Variants in STYX observed in about 807,000 individuals in gnomAD.
The protein encoded by STYX is serine/threonine/tyrosine interacting protein.
A neutral mutation model predicts 42.7 loss-of-function variants in STYX; 20 were observed. The ratio of observed to expected loss-of-function variants is 0.47; its 90% confidence interval spans 0.33 to 0.68. STYX has a LOEUF of 0.68. STYX is among the 30% of genes least tolerant of loss of function. The probability of loss-of-function intolerance (pLI) is 0.02; values close to 1 mark genes in which losing one functional copy is unlikely to be tolerated. For synonymous variants in STYX, 78 were observed against 81.9 expected, an observed-to-expected ratio of 0.95 and a Z score of 0.26; for missense variants, 226 against 268.5, an observed-to-expected ratio of 0.84 and a Z score of 1.11.
In STYX at chr14:52,757,931, A is replaced by C; in HGVS notation, c.431+7A>C. 6.2e-7 allele frequency: 1 copy of C among 1,610,820 alleles called. No homozygotes were observed. Among genetic ancestry groups the C allele is most frequent in the Non-Finnish European group, 8.5e-7 (1 of 1,179,616 alleles). On this transcript the variant is annotated splice_region_variant and intron_variant, in intron 8 of 10. Coordinates refer to ENST00000354586, the MANE Select transcript of STYX (RefSeq NM_145251.4). ...CATTTGGAATGAAGTACAGGTAAGA[A>C]AATACCCTAAAACCTAGCCACAGTT...
At chr14:52,732,994 T>C (rs540461089) in intron 1 of STYX, among the ~76,000 whole-genome samples, 163 of 152,236 alleles carry the variant, frequency 1.1e-3, no homozygotes, top group Non-Finnish European at 5.0e-4. Context: ...CTCAAAATGA[T>C]TCAGTAATTT....
chr14:52,744,672 TTG>T (rs1178055739), intron 1 of STYX, among the ~76,000 whole-genome samples, 178 bp from the exon 2 acceptor site: 1 of 152,220 alleles, frequency 6.6e-6, no homozygotes, highest in Non-Finnish European at 1.5e-5. Flanking sequence ...GCTTTAAGCT[TTG>T]TTTCTTGTCA....
rs1311241354 is a variant in STYX at position 52,772,341 on chromosome 14, T to C, written c.*1235T>C. 1 of 152,332 alleles carries C rather than the reference T, an allele frequency of 6.6e-6. No homozygotes were observed. The highest frequency in any genetic ancestry group is 1.5e-5 in the Non-Finnish European group (1 of 68,000). 9.4% of individuals were successfully genotyped at this position (152,332 alleles called of 1,614,324 possible). On this transcript the variant is annotated 3_prime_UTR_variant, in exon 11 of 11. Transcript: ENST00000354586. ...GACTAGTGTATTTTAAATTAGCATT[T>C]TAATCCATTCTTGACATTCAGTTAG...
intron 1 of STYX, among the ~76,000 whole-genome samples, chr14:52,741,439 C>CGT (rs994728323): frequency 4.6e-5 from 7 of 151,616 alleles, no homozygotes; most frequent in Admixed American, 6.6e-5. Flanking sequence ...TTTTGAGTTT[C>CGT]GTGTGTGTGT....
intron 10 of STYX, among the ~76,000 whole-genome samples, 173 bp from the exon 11 acceptor site, chr14:52,770,860 A>C (rs1882483464): frequency 6.6e-6 from 1 of 152,134 alleles, no homozygotes; most frequent in South Asian, 2.1e-4. Context: ...GAAGATTAAA[A>C]AGTTATAATA....
chr14:52,769,706 C>T (rs1283701385), intron 10 of STYX, among the ~76,000 whole-genome samples: 9 of 151,970 alleles, frequency 5.9e-5, no homozygotes, highest in Non-Finnish European at 1.3e-4. Context: ...CTATAGGGTC[C>T]GTTTTGTCAG....
chr14:52,742,275 C>T (rs575760829), intron 1 of STYX, among the ~76,000 whole-genome samples: 5 of 152,186 alleles, frequency 3.3e-5, no homozygotes, highest in Non-Finnish European at 7.3e-5. Flanking sequence ...CCTAGTTTAT[C>T]TTTCACTGAG....
chr14:52,732,731 C>T (rs1228249883), intron 1 of STYX, among the ~76,000 whole-genome samples: 2 of 151,700 alleles, frequency 1.3e-5, no homozygotes, highest in African/African-American at 2.4e-5. Context: ...AATGCAGTGG[C>T]GTGATCTCCG....
At chr14:52,730,651 T>C (rs1002109329) in intron 1 of STYX, 120 bp downstream of exon 1, 69 of 1,078,238 alleles carry the variant, frequency 6.4e-5, no homozygotes, top group Admixed American at 1.0e-4. Flanking sequence ...CCTAAGGGCG[T>C]CCCGGGACCT....
At chr14:52,754,844 T>C (rs1260727034) in intron 4 of STYX, among the ~76,000 whole-genome samples, 1 of 152,238 alleles carries the variant, frequency 6.6e-6, no homozygotes, top group African/African-American at 2.4e-5. Flanking sequence ...GCAGGTTCTT[T>C]ATCCTAATGG....
chr14:52,761,202 C>G (rs1486032632), intron 9 of STYX, among the ~76,000 whole-genome samples: 3 of 151,850 alleles, frequency 2.0e-5, no homozygotes. Flanking sequence ...GTGATGCATG[C>G]CTGTAATCCC....
At chr14:52,755,121 G>GTTTTTTTTTTTT (rs537098365) in intron 4 of STYX, among the ~76,000 whole-genome samples, 9 of 139,306 alleles carry the variant, frequency 6.5e-5, no homozygotes, top group East Asian at 2.1e-4. Context: ...TTGTTTTTTT[G>GTTTTTTTTTTTT]TTTTTTTTTT....
rs371827484 is a variant in STYX, at chr14:52,771,168, A to G, written c.*62A>G. 19 of 1,448,490 alleles carry G rather than the reference A, an allele frequency of 1.3e-5. No homozygotes were observed. In the Middle Eastern group the frequency reaches 5.3e-4, roughly 40 times the overall value. 89.7% of individuals were successfully genotyped at this position (1,448,490 alleles called of 1,614,324 possible). A position where few individuals can be genotyped will look rare whatever the true frequency, so the allele number is the denominator to read the frequency against. ...TGGGAAGGAGAAAATACAAGAGAAA[A>G]TTATAATGTAAAATGGTAAAAACAT... On this transcript the variant is annotated 3_prime_UTR_variant, in exon 11 of 11. Coordinates refer to ENST00000354586, the MANE Select transcript of STYX (RefSeq NM_145251.4).
chr14:52,742,914 G>A (rs1344933028), intron 1 of STYX, among the ~76,000 whole-genome samples: 1 of 151,194 alleles, frequency 6.6e-6, no homozygotes, highest in East Asian at 2.0e-4. Flanking sequence ...TCCTGCCTCA[G>A]CCTCCCAAGT....
intron 9 of STYX, among the ~76,000 whole-genome samples, chr14:52,763,908 A>T (rs1216472130): frequency 6.6e-6 from 1 of 152,106 alleles, no homozygotes; most frequent in African/African-American, 2.4e-5. Context: ...TTGGTTCTGC[A>T]AGTTTTTTTC....
At chr14:52,741,811 A>C (rs1004057850) in intron 1 of STYX, among the ~76,000 whole-genome samples, 4 of 152,042 alleles carry the variant, frequency 2.6e-5, no homozygotes, top group Admixed American at 1.3e-4. Context: ...TCAATTTCTT[A>C]GTCTGGTCAT....
chr14:52,767,486 T>G (rs142473092), intron 9 of STYX, among the ~76,000 whole-genome samples: 6 of 152,316 alleles, frequency 3.9e-5, no homozygotes, highest in African/African-American at 9.6e-5. Context: ...GTTTTTGTTT[T>G]GTTTTGTTTT....
chr14:52,762,685 A>C (rs768078806), intron 9 of STYX, among the ~76,000 whole-genome samples: 5 of 151,984 alleles, frequency 3.3e-5, no homozygotes, highest in Non-Finnish European at 7.4e-5. Flanking sequence ...GATCAATTTA[A>C]ATTAGATTGG....
At chr14:52,756,470 C>A in intron 4 of STYX, 81 bp from the exon 5 acceptor site, 2 of 813,828 alleles carry the variant, frequency 2.5e-6, no homozygotes, top group Non-Finnish European at 3.9e-6. Flanking sequence ...CCATGGTTAA[C>A]AAGAAATAAT....
Sources: allele counts gnomAD v4.1 joint callset (sites outside exome capture counted in the v4.1 genomes callset), GRCh38; gene constraint gnomAD v4.1.1; transcripts MANE v1.5; gene names NCBI Gene and HGNC (gene_info 2026-07-23, HGNC 2026-07-21).